RAPGEFL1: variants seen among roughly 807,000 people sequenced by gnomAD.
RAPGEFL1 encodes the protein rap guanine nucleotide exchange factor-like 1.
Under a neutral mutation model 64.4 loss-of-function variants are expected in RAPGEFL1, and 31 were observed. That is an observed-to-expected ratio of 0.48 (90% CI 0.36 to 0.65). The LOEUF (loss-of-function observed/expected upper bound fraction) is 0.65, where lower values mean the gene tolerates loss of function less well. RAPGEFL1 is among the 30% of genes least tolerant of loss of function. The pLI, the probability that RAPGEFL1 is intolerant of heterozygous loss-of-function variation, is 0.00. For missense variants in RAPGEFL1, 682 were observed against 677.4 expected, an observed-to-expected ratio of 1.01 and a Z score of -0.08; for synonymous variants, 331 against 274.1, an observed-to-expected ratio of 1.21 and a Z score of -2.05.
At chr17:40,179,495 C>T (rs1005652749) in intron 1 of RAPGEFL1, among the ~76,000 whole-genome samples, 6 of 139,390 alleles carry the variant, frequency 4.3e-5, no homozygotes, top group Admixed American at 1.5e-4. Context: ...GCTGGGATTA[C>T]AGGCGTGAGC....
In RAPGEFL1 at chr17:40,184,309, G is replaced by T. The variant is rs1335426949; in HGVS notation, c.695G>T (p.Gly232Val). 6.2e-7 allele frequency: 1 copy of T among 1,613,616 alleles called. No homozygotes were observed. Among genetic ancestry groups the T allele is most frequent in the South Asian group, 1.1e-5 (1 of 91,056 alleles). The change falls in exon 3 of 15, where the codon GGG (glycine) becomes GTG (valine). Residue 232 changes from glycine (G) to valine (V), a missense_variant. Around this residue, in one of 2 missense-constraint regions of RAPGEFL1, gnomAD observed 271 missense variants for 158.0 expected, o/e 1.72. Coordinates refer to ENST00000620260, the MANE Select transcript of RAPGEFL1 (RefSeq NM_016339.6). ...CTCCATTTCTTGGACACCTACCAGGGGCTGCTTCAAGAGGAAGAGGGGGCC... is the reference window on the plus strand; with the variant it reads ...CTCCATTTCTTGGACACCTACCAGGTGCTGCTTCAAGAGGAAGAGGGGGCC... ...MLLHFLDTYQ[G>V]LLQEEEGAGH... is the part of the protein sequence containing the mutation.
intron 6 of RAPGEFL1, among the ~76,000 whole-genome samples, chr17:40,189,606 T>A (rs1190810047): frequency 6.6e-6 from 1 of 152,158 alleles, no homozygotes; most frequent in Non-Finnish European, 1.5e-5. Flanking sequence ...GAGGATTGCT[T>A]GAGCCCAGGA....
intron 1 of RAPGEFL1, among the ~76,000 whole-genome samples, chr17:40,180,876 TTGTC>T (rs1406208161): frequency 2.0e-5 from 3 of 152,184 alleles, no homozygotes; most frequent in Non-Finnish European, 4.4e-5. Context: ...TCCCTGCACC[TTGTC>T]TGTCTGTGTG....
At chr17:40,180,392 C>G (rs941337158) in intron 1 of RAPGEFL1, among the ~76,000 whole-genome samples, 1 of 152,064 alleles carries the variant, frequency 6.6e-6, no homozygotes, top group African/African-American at 2.4e-5. Flanking sequence ...AATTCCAAAC[C>G]AGTCCCAGGT....
chr17:40,179,302 G>A (rs915084550), intron 1 of RAPGEFL1, among the ~76,000 whole-genome samples: 2 of 152,078 alleles, frequency 1.3e-5, no homozygotes, highest in African/African-American at 2.4e-5. Context: ...TCCTGACCTC[G>A]TGATCCACCT....
chr17:40,185,537 A>AC (rs2145209796), intron 4 of RAPGEFL1, among the ~76,000 whole-genome samples: 1 of 151,100 alleles, frequency 6.6e-6, no homozygotes, highest in East Asian at 1.9e-4. Flanking sequence ...AAAAAAAAAA[A>AC]AAAGGCTGTG....
intron 4 of RAPGEFL1, among the ~76,000 whole-genome samples, chr17:40,186,818 C>A (rs1567694183): frequency 6.7e-6 from 1 of 149,294 alleles, no homozygotes; most frequent in Non-Finnish European, 1.5e-5. Flanking sequence ...TGCTTGAATC[C>A]AGGAGGTGGA....
chr17:40,183,347 C>T (rs1208513016), intron 2 of RAPGEFL1, among the ~76,000 whole-genome samples: 3 of 151,920 alleles, frequency 2.0e-5, no homozygotes, highest in Non-Finnish European at 4.4e-5. Flanking sequence ...GTCTAACCTG[C>T]AGGAGCTGGA....
intron 12 of RAPGEFL1, 45 bp downstream of exon 12, chr17:40,192,738 C>T: frequency 6.4e-7 from 1 of 1,555,572 alleles, no homozygotes; most frequent in Non-Finnish European, 8.9e-7. Flanking sequence ...CCCATGCTTC[C>T]CTTCTCCTAT....
chr17:40,194,367 G>C lies in RAPGEFL1; in HGVS notation c.*579G>C, dbSNP rs1347170427. 1 of 155,850 alleles carries C rather than the reference G, an allele frequency of 6.4e-6. No homozygotes were observed. Among genetic ancestry groups the C allele is most frequent in the Non-Finnish European group, 1.4e-5 (1 of 70,954 alleles). The allele number at this position is 155,850 out of a possible 1,614,324, so 9.7% of individuals were successfully genotyped here. On this transcript the variant is annotated 3_prime_UTR_variant, in exon 15 of 15. Transcript: ENST00000620260. The stretch of plus-strand genomic sequence containing the variant: ...GTGCTGGGGAGGGGTCCTTCTGTTT[G>C]GTGCTACCCTTGTCTACTCTGCCCC...
chr17:40,193,614 G>A, intron 14 of RAPGEFL1, 50 bp from the exon 15 acceptor site: 1 of 1,613,576 alleles, frequency 6.2e-7, no homozygotes, highest in Non-Finnish European at 8.5e-7. Flanking sequence ...TGTGTGTAGA[G>A]GAAGAAGGGA....
In RAPGEFL1 at chr17:40,177,767, T is replaced by A; in HGVS notation, c.-95T>A. The A allele has an allele frequency of 2.4e-6, 1 of 410,830 alleles. No individual in the cohort carries two copies. The highest frequency in any genetic ancestry group is 4.3e-6 in the Non-Finnish European group (1 of 234,250). The allele number at this position is 410,830 out of a possible 1,614,324, so 25.4% of individuals were successfully genotyped here. ...CTGGCACGGCCCTCTACTCTGCTCC[T>A]CCAGCTCTGAGCATCGTGTCTTCGC... On this transcript the variant is annotated 5_prime_UTR_variant, in exon 1 of 15. Coordinates refer to ENST00000620260, the MANE Select transcript of RAPGEFL1 (RefSeq NM_016339.6).
At position 40,183,147 on chromosome 17, in the gene RAPGEFL1, C is replaced by CAAATAAATAAAT. The variant is rs527640170; in HGVS notation, c.600-1051_600-1040dup. 6.9e-3 allele frequency among the ~76,000 whole-genome samples: 1,054 copies of CAAATAAATAAAT among 151,844 alleles called. 15 individuals are homozygous for CAAATAAATAAAT. The highest frequency in any genetic ancestry group is 0.024 in the African/African-American group (1,009 of 41,320). ...TGGGCAACAGAGTGAGACTCCCTCTCAAATAAATAAATAAATAAATAAATA... is the reference window on the plus strand; with the variant it reads ...TGGGCAACAGAGTGAGACTCCCTCTCAAATAAATAAATAAATAAATAAATAAATAAATAAATA... On this transcript the variant is annotated intron_variant, in intron 2 of 14. Transcript: ENST00000620260.
rs1439982809 is a variant in RAPGEFL1 at position 40,191,502 on chromosome 17, C to A, written c.1514+8C>A. ...CATCAAGATCGCGGCCCTGTGAGTG[C>A]GGCCGTCGGCGGGATGGGGGGCCGG... On this transcript the variant is annotated splice_region_variant and intron_variant, in intron 9 of 14. Transcript: ENST00000620260. This position sits in a 1 kb window ranked among gnomAD's most constrained non-coding sequence, Gnocchi z 5.1. The A allele has an allele frequency of 6.3e-7, 1 of 1,592,894 alleles. No individual in the cohort carries two copies. The highest frequency in any genetic ancestry group is 1.8e-5 in the Admixed American group (1 of 56,822).
At chr17:40,179,128 G>A (rs1989817603) in intron 1 of RAPGEFL1, among the ~76,000 whole-genome samples, 1 of 151,414 alleles carries the variant, frequency 6.6e-6, no homozygotes, top group Admixed American at 6.6e-5. Context: ...GTGCAGTGGC[G>A]CCATCTCAGC....
At position 40,193,747 on chromosome 17, in the gene RAPGEFL1, C is replaced by A; in HGVS notation, c.1948C>A (p.Leu650Ile). 1.9e-6 allele frequency: 3 copies of A among 1,614,126 alleles called. No homozygotes were observed. Among genetic ancestry groups the A allele is most frequent in the Non-Finnish European group, 2.5e-6 (3 of 1,180,018 alleles). The change falls in exon 15 of 15, where the codon CTC (leucine) becomes ATC (isoleucine). Residue 650 changes from leucine to isoleucine, a missense_variant. This residue lies in a region of RAPGEFL1 where 411 missense variants were observed against 519.4 expected (regional missense o/e 0.79). Coordinates refer to ENST00000620260, the MANE Select transcript of RAPGEFL1 (RefSeq NM_016339.6). Reference sequence around the variant, plus strand: ...TCAGGTCATCGACAACCAGAACCTCCTCTTCGAGCTCTCCTACAAGCTGGA... The same window carrying A: ...TCAGGTCATCGACAACCAGAACCTCATCTTCGAGCTCTCCTACAAGCTGGA... ...QFQVIDNQNL[L>I]FELSYKLEAN...
chr17:40,190,230 G>A (rs1186622172), intron 6 of RAPGEFL1, among the ~76,000 whole-genome samples: 1 of 152,168 alleles, frequency 6.6e-6, no homozygotes, highest in Admixed American at 6.6e-5. Flanking sequence ...AAGAAAGGGA[G>A]TAGAAAAAAA....
rs1348785372 is a variant in RAPGEFL1, at chr17:40,190,233, GA to G, written c.1115-194del. ...GAAAAGCTGTGAAAGAAAGGGAGTA[GA>G]AAAAAAGTTATAAATGCAAAAGAAA... On this transcript the variant is annotated intron_variant, in intron 6 of 14. Coordinates refer to ENST00000620260, the MANE Select transcript of RAPGEFL1 (RefSeq NM_016339.6). Among the ~76,000 whole-genome samples the G allele has an allele frequency of 6.6e-5, 10 of 152,222 alleles. 1 individual carries two copies. The East Asian group carries it at 1.2e-3, about 18-fold the overall frequency.
chr17:40,185,783 C>CAAAAAA (rs750937174), intron 4 of RAPGEFL1, among the ~76,000 whole-genome samples: 3 of 48,874 alleles, frequency 6.1e-5, no homozygotes, highest in African/African-American at 1.5e-4. Context: ...GATTCTGTCT[C>CAAAAAA]AAAAAAAAAA....
Sources: allele counts gnomAD v4.1 joint callset (sites outside exome capture counted in the v4.1 genomes callset), GRCh38; gene constraint gnomAD v4.1.1; regional missense constraint gnomAD v4.1.1; non-coding constraint Gnocchi (gnomAD v3.1); transcripts MANE v1.5; gene names NCBI Gene and HGNC (gene_info 2026-07-23, HGNC 2026-07-21).